The following PTBP3 variants were observed in gnomAD, a reference collection of about 807,000 sequenced individuals.
The protein encoded by PTBP3 is polypyrimidine tract-binding protein 3.
A neutral mutation model predicts 58.7 loss-of-function variants in PTBP3; 20 were observed. The observed-to-expected ratio is 0.34, with a 90% confidence interval of 0.24 to 0.50. The LOEUF is 0.50. Ranked by LOEUF, PTBP3 falls within the 20% of genes least tolerant of loss-of-function variation. The probability of loss-of-function intolerance (pLI) is 0.98; values close to 1 mark genes in which losing one functional copy is unlikely to be tolerated. For synonymous variants in PTBP3, 185 were observed against 219.8 expected (o/e 0.84, Z 1.40); for missense variants, 509 against 637.2 (o/e 0.80, Z 2.17).
At chr9:112,374,378 G>C in the PTBP3 span, among the ~76,000 whole-genome samples, 2 of 152,208 alleles carry the variant, frequency 1.3e-5, no homozygotes, top group Non-Finnish European at 2.9e-5. Context: ...ATATTTGCTA[G>C]TGGATCATTG....
chr9:112,247,244 C>T lies in PTBP3; in HGVS notation c.802+3685G>A, dbSNP rs555391569. ...TCACATCACTGCACTTCAGCCTGGG[C>T]AACAGATTAAGTCCCTGTTTCAATA... On this transcript the variant is annotated intron_variant, in intron 7 of 13. Transcript: ENST00000374257. 1.7e-4 allele frequency among the ~76,000 whole-genome samples: 26 copies of T among 148,844 alleles called. No homozygotes were observed. The South Asian group carries it at 2.4e-3, about 14-fold the overall frequency.
chr9:112,370,635 A>G, the PTBP3 span, among the ~76,000 whole-genome samples: 4 of 152,304 alleles, frequency 2.6e-5, no homozygotes, highest in South Asian at 4.1e-4. Flanking sequence ...AGTCCACATT[A>G]ATTTGAGGAT....
At chr9:112,239,498 G>A (rs938064886) in intron 7 of PTBP3, among the ~76,000 whole-genome samples, 5 of 152,186 alleles carry the variant, frequency 3.3e-5, no homozygotes, top group Non-Finnish European at 7.4e-5. Context: ...AGGAGGCCAA[G>A]GTGGGTGGGT....
the PTBP3 span, among the ~76,000 whole-genome samples, chr9:112,364,845 T>A: frequency 1.3e-5 from 2 of 152,146 alleles, no homozygotes; most frequent in African/African-American, 4.8e-5. Flanking sequence ...TTACATACAT[T>A]ACCACTAACT....
At chr9:112,356,492 T>C in the PTBP3 span, among the ~76,000 whole-genome samples, 4 of 151,872 alleles carry the variant, frequency 2.6e-5, no homozygotes, top group East Asian at 3.9e-4. Context: ...AGTTGTCATA[T>C]AGTTAAGATT....
chr9:112,234,944 A>G (rs771188656), intron 7 of PTBP3, 47 bp from the exon 8 acceptor site: 32 of 1,480,134 alleles, frequency 2.2e-5, no homozygotes, highest in Non-Finnish European at 2.9e-5. Flanking sequence ...TTCTATAAAT[A>G]TCGTTATCAA....
chr9:112,273,843 G>A (rs570385065), intron 3 of PTBP3, among the ~76,000 whole-genome samples: 1 of 152,272 alleles, frequency 6.6e-6, no homozygotes, highest in East Asian at 1.9e-4. Flanking sequence ...TCCTGCTTAA[G>A]TGCATTTACT....
intron 3 of PTBP3, chr9:112,272,565 T>A (rs1827434672): frequency 2.0e-5 from 3 of 152,152 alleles, no homozygotes; most frequent in Admixed American, 6.6e-5. Flanking sequence ...CATCCATCTA[T>A]CCATCCATCC....
intron 2 of PTBP3, among the ~76,000 whole-genome samples, chr9:112,284,381 G>T: frequency 6.6e-6 from 1 of 152,210 alleles, no homozygotes; most frequent in East Asian, 1.9e-4. Context: ...GGAGTCAAAG[G>T]AGATTATTTT....
chr9:112,259,891 C>T (rs1040885652), intron 5 of PTBP3, among the ~76,000 whole-genome samples: 15 of 152,178 alleles, frequency 9.9e-5, no homozygotes, highest in Non-Finnish European at 2.1e-4. Context: ...TAGTTTCTTA[C>T]ATTGCTCTTT....
intron 1 of PTBP3, among the ~76,000 whole-genome samples, chr9:112,312,488 G>GT (rs11384712): frequency 0.48 from 36,687 of 76,418 alleles, 6,685 homozygotes; most frequent in South Asian, 0.55. Flanking sequence ...TTTTTTTTTT[G>GT]TTTTTTTTTT....
At chr9:112,320,291 A>AATATATATATATATATATAT (rs1288195199) in intron 1 of PTBP3, among the ~76,000 whole-genome samples, 8 of 73,528 alleles carry the variant, frequency 1.1e-4, no homozygotes, top group East Asian at 3.2e-4. Flanking sequence ...AAAAAAAAAA[A>AATATATATATATATATATAT]ATATATATAT....
At chr9:112,361,656 T>G in the PTBP3 span, among the ~76,000 whole-genome samples, 1 of 152,232 alleles carries the variant, frequency 6.6e-6, no homozygotes, top group African/African-American at 2.4e-5. Flanking sequence ...TAACATTTTG[T>G]GGCATTATAC....
intron 1 of PTBP3, among the ~76,000 whole-genome samples, chr9:112,300,924 C>G (rs1049872805): frequency 2.0e-5 from 3 of 151,938 alleles, no homozygotes; most frequent in Non-Finnish European, 4.4e-5. Context: ...AGGGAGACCC[C>G]ATCTCTAAGT....
intron 1 of PTBP3, among the ~76,000 whole-genome samples, chr9:112,313,431 A>G (rs1829568581): frequency 6.6e-6 from 1 of 152,210 alleles, no homozygotes; most frequent in African/African-American, 2.4e-5. Flanking sequence ...AGGCAGCTGT[A>G]TTGTTTATCC....
chr9:112,333,407 G>A (rs1338527457), intron 1 of PTBP3, 63 bp downstream of exon 1: 7 of 1,546,100 alleles, frequency 4.5e-6, no homozygotes, highest in African/African-American at 1.4e-5. Context: ...GCGTCCCGCG[G>A]AGAGCCGGGT....
At chr9:112,340,386 T>C in the PTBP3 span, among the ~76,000 whole-genome samples, 1 of 152,292 alleles carries the variant, frequency 6.6e-6, no homozygotes, top group African/African-American at 2.4e-5. Flanking sequence ...ATGTCTTGTG[T>C]TTGTTTTTTC....
At chr9:112,319,208 A>C (rs1829825153) in intron 1 of PTBP3, among the ~76,000 whole-genome samples, 1 of 152,012 alleles carries the variant, frequency 6.6e-6, no homozygotes, top group African/African-American at 2.4e-5. Context: ...TTAACCAAGA[A>C]GGGTACATCA....
At chr9:112,333,958 C>G (rs34008214), upstream of PTBP3, among the ~76,000 whole-genome samples, 1 of 151,134 alleles carries the variant, frequency 6.6e-6, no homozygotes, top group Non-Finnish European at 1.5e-5. Context: ...CGCGGCCCCG[C>G]GGGCCTTCCG....
Sources: allele counts gnomAD v4.1 joint callset (sites outside exome capture counted in the v4.1 genomes callset), GRCh38; gene constraint gnomAD v4.1.1; transcripts MANE v1.5; gene names NCBI Gene and HGNC (gene_info 2026-07-23, HGNC 2026-07-21).